SLC9A9: variants seen among roughly 807,000 people sequenced by gnomAD.
The protein encoded by SLC9A9 is solute carrier family 9 member A9.
SLC9A9 carries 62 observed loss-of-function variants against 77.8 expected under a neutral mutation model. That is an observed-to-expected ratio of 0.80 (90% CI 0.65 to 0.98). The LOEUF is 0.98. Among genes scored for constraint, SLC9A9 ranks in the 50% least tolerant of loss-of-function variants. The pLI, the probability that SLC9A9 is intolerant of heterozygous loss-of-function variation, is 0.00. For synonymous variants in SLC9A9, 320 were observed against 283.5 expected, an observed-to-expected ratio of 1.13 and a Z score of -1.29; for missense variants, 775 against 774.9, an observed-to-expected ratio of 1.00 and a Z score of 0.00.
chr3:143,747,830 A>T (rs138908945), intron 4 of SLC9A9, among the ~76,000 whole-genome samples: 413 of 152,354 alleles, frequency 2.7e-3, no homozygotes, highest in African/African-American at 9.6e-3. Flanking sequence ...TACAGCAGCT[A>T]TAAGAAATGA....
intron 4 of SLC9A9, among the ~76,000 whole-genome samples, chr3:143,733,821 A>G (rs889270686): frequency 6.6e-6 from 1 of 151,974 alleles, no homozygotes; most frequent in Admixed American, 6.6e-5. Flanking sequence ...CACCAATACT[A>G]CCACACCTGG....
chr3:143,368,477 G>A (rs2032966799), intron 13 of SLC9A9, among the ~76,000 whole-genome samples: 1 of 152,162 alleles, frequency 6.6e-6, no homozygotes, highest in Non-Finnish European at 1.5e-5. Flanking sequence ...ACTCTGCTTT[G>A]GGATAATCAT....
intron 6 of SLC9A9, among the ~76,000 whole-genome samples, chr3:143,595,573 A>G (rs2037739016): frequency 1.3e-5 from 2 of 152,238 alleles, no homozygotes; most frequent in Admixed American, 1.3e-4. Context: ...AATTAAGATC[A>G]GATACAATGC....
At chr3:143,538,818 G>A (rs2036637308) in intron 9 of SLC9A9, among the ~76,000 whole-genome samples, 1 of 152,242 alleles carries the variant, frequency 6.6e-6, no homozygotes, top group Non-Finnish European at 1.5e-5. Context: ...TTCTCCAGAT[G>A]TGAGTCTCAA....
intron 4 of SLC9A9, among the ~76,000 whole-genome samples, chr3:143,723,758 T>C (rs1233383650): frequency 6.6e-6 from 1 of 152,190 alleles, no homozygotes; most frequent in African/African-American, 2.4e-5. Context: ...TCTGACATCT[T>C]AGCACTGCAT....
chr3:143,400,539 G>A (rs1040045900), intron 12 of SLC9A9, among the ~76,000 whole-genome samples: 2 of 152,048 alleles, frequency 1.3e-5, no homozygotes, highest in African/African-American at 4.8e-5. Flanking sequence ...TCAGGGCAAA[G>A]GCTGGCAGGT....
chr3:143,673,231 G>A lies in SLC9A9; in HGVS notation c.649+19961C>T, dbSNP rs142593365. On this transcript the variant is annotated intron_variant, in intron 5 of 15. Coordinates refer to ENST00000316549, the MANE Select transcript of SLC9A9 (RefSeq NM_173653.4). ...TCCAGTGCTTCTATCTGATTATGGC[G>A]AGGGGACAGTAATCATCATTTTGCC... 3.3e-5 allele frequency among the ~76,000 whole-genome samples: 5 copies of A among 152,218 alleles called. No homozygotes were observed. In the East Asian group the frequency reaches 5.8e-4, roughly 18 times the overall value.
At chr3:143,573,974 A>G (rs1301679669) in intron 8 of SLC9A9, 114 bp downstream of exon 8, 7 of 854,330 alleles carry the variant, frequency 8.2e-6, no homozygotes, top group South Asian at 2.8e-5. Flanking sequence ...AACCATTCAC[A>G]TGCACTATTT....
intron 14 of SLC9A9, among the ~76,000 whole-genome samples, chr3:143,302,399 G>T (rs1374620266): frequency 6.6e-6 from 1 of 151,856 alleles, no homozygotes. Flanking sequence ...CCAGAAAATA[G>T]AAAGAAAAAA....
At chr3:143,808,718 T>C (rs1225312291) in intron 2 of SLC9A9, among the ~76,000 whole-genome samples, 1 of 152,202 alleles carries the variant, frequency 6.6e-6, no homozygotes, top group Non-Finnish European at 1.5e-5. Context: ...CTCCTTGACT[T>C]GGACAGCTAT....
chr3:143,599,810 A>G (rs2108685970), intron 6 of SLC9A9, among the ~76,000 whole-genome samples: 1 of 152,360 alleles, frequency 6.6e-6, no homozygotes, highest in South Asian at 2.1e-4. Flanking sequence ...AAAGGGTCTC[A>G]GAATATTTCA....
At chr3:143,335,311 C>T (rs181403559) in intron 14 of SLC9A9, among the ~76,000 whole-genome samples, 2 of 152,206 alleles carry the variant, frequency 1.3e-5, no homozygotes, top group East Asian at 3.9e-4. Context: ...ATGTTTATGG[C>T]TCAGAAGACT....
chr3:143,660,120 A>G lies in SLC9A9; in HGVS notation c.650-7760T>C, dbSNP rs537587856. On this transcript the variant is annotated intron_variant, in intron 5 of 15. Coordinates refer to ENST00000316549, the MANE Select transcript of SLC9A9 (RefSeq NM_173653.4). The stretch of plus-strand genomic sequence containing the variant: ...AGCTGGTCTTGGTTATATCTTTATC[A>G]GCAGCGTGAGAACAGACTAATACAG... Among the ~76,000 whole-genome samples, 99 of 152,336 alleles carry G rather than the reference A, an allele frequency of 6.5e-4. 2 individuals are homozygous for G. The South Asian group carries it at 0.02, about 31-fold the overall frequency.
intron 9 of SLC9A9, among the ~76,000 whole-genome samples, chr3:143,539,208 T>C (rs2036644997): frequency 6.6e-6 from 1 of 152,156 alleles, no homozygotes; most frequent in Non-Finnish European, 1.5e-5. Flanking sequence ...CCAGAGCAAT[T>C]GTATTAAGTG....
chr3:143,643,974 TAA>T (rs5853117), intron 6 of SLC9A9, among the ~76,000 whole-genome samples: 152 of 145,942 alleles, frequency 1.0e-3, no homozygotes, highest in Non-Finnish European at 1.1e-3. Context: ...TATTTTGAGC[TAA>T]AAAAAAAAAA....
intron 9 of SLC9A9, among the ~76,000 whole-genome samples, chr3:143,504,477 A>C (rs1274622661): frequency 1.3e-5 from 2 of 148,898 alleles, no homozygotes; most frequent in Non-Finnish European, 3.0e-5. Flanking sequence ...CCACCAGAAC[A>C]TAAGGATTCT....
chr3:143,434,277 T>C (rs1200522750), intron 12 of SLC9A9, among the ~76,000 whole-genome samples: 1 of 152,202 alleles, frequency 6.6e-6, no homozygotes, highest in Non-Finnish European at 1.5e-5. Context: ...GGTGTTAAAT[T>C]GTGTTCCTTT....
chr3:143,539,233 A>G (rs2036645424), intron 9 of SLC9A9, among the ~76,000 whole-genome samples: 2 of 152,328 alleles, frequency 1.3e-5, no homozygotes, highest in South Asian at 4.1e-4. Context: ...TCCTAAAACC[A>G]AACTCTTGTT....
chr3:143,284,291 A>G (rs1249469713), intron 14 of SLC9A9, among the ~76,000 whole-genome samples: 2 of 152,212 alleles, frequency 1.3e-5, no homozygotes, highest in Non-Finnish European at 2.9e-5. Context: ...TTGGAGTCCC[A>G]AATGATAATT....
Sources: allele counts gnomAD v4.1 joint callset (sites outside exome capture counted in the v4.1 genomes callset), GRCh38; gene constraint gnomAD v4.1.1; transcripts MANE v1.5; gene names NCBI Gene and HGNC (gene_info 2026-07-23, HGNC 2026-07-21).